Variants in RBL2 observed in about 807,000 individuals in gnomAD.
RBL2 encodes RB transcriptional corepressor like 2.
In RBL2, 56 loss-of-function variants were observed where a neutral mutation model predicts 126.0. The ratio of observed to expected loss-of-function variants is 0.44; its 90% CI spans 0.36 to 0.56. The LOEUF (loss-of-function observed/expected upper bound fraction) is 0.56. Ranked by LOEUF, RBL2 falls within the 20% of genes least tolerant of loss-of-function variation. RBL2 has a pLI of 0.00. For synonymous variants in RBL2, 454 were observed against 478.5 expected (o/e 0.95, Z 0.67); for missense variants, 1,229 against 1,398.2 (o/e 0.88, Z 1.93).
Position 53,453,757 on chromosome 16 carries a change from T to C in RBL2, c.980T>C (p.Phe327Ser). 1 of 1,607,346 alleles carries C rather than the reference T, an allele frequency of 6.2e-7. No individual in the cohort carries two copies. Among genetic ancestry groups the C allele is most frequent in the Non-Finnish European group, 8.5e-7 (1 of 1,176,320 alleles). The change falls in exon 7 of 22, where the codon TTT becomes TCT. Residue 327 changes from phenylalanine to serine, a missense_variant. Coordinates refer to ENST00000262133, the MANE Select transcript of RBL2 (RefSeq NM_005611.4). ...NLTGFLEPGN[F>S]GESFKAINKA... is the part of the protein sequence containing the mutation. ...ACTGGGTTTCTAGAACCTGGGAACTTTGGAGAGAGTTTGTGAGTACTTCTG... is the reference window on the plus strand; with the variant it reads ...ACTGGGTTTCTAGAACCTGGGAACTCTGGAGAGAGTTTGTGAGTACTTCTG...
At chr16:53,453,891 G>A in intron 7 of RBL2, 122 bp downstream of exon 7, 1 of 875,618 alleles carries the variant, frequency 1.1e-6, no homozygotes. Context: ...GAGAATACAG[G>A]GAAGCAAAAA....
chr16:53,475,080 G>A (rs1960678721), intron 17 of RBL2, among the ~76,000 whole-genome samples: 1 of 152,174 alleles, frequency 6.6e-6, no homozygotes, highest in Non-Finnish European at 1.5e-5. Flanking sequence ...AATCAGTTGT[G>A]GTAGTGTATG....
At position 53,477,181 on chromosome 16, in the gene RBL2, G is replaced by A. The variant is rs146815849; in HGVS notation, c.2704-1973G>A. 6.1e-4 allele frequency among the ~76,000 whole-genome samples: 93 copies of A among 151,984 alleles called. 1 individual carries two copies. The East Asian group carries it at 0.012, about 20-fold the overall frequency. On this transcript the variant is annotated intron_variant, in intron 17 of 21. Transcript: ENST00000262133. ...GAGATATAGGAGTGTTAACTGTTTC[G>A]TTACACATATTACATCCATAAATGT...
At chr16:53,461,570 TACC>T (rs899298956) in intron 9 of RBL2, among the ~76,000 whole-genome samples, 168 bp from the exon 10 acceptor site, 13 of 151,420 alleles carry the variant, frequency 8.6e-5, no homozygotes, top group African/African-American at 2.9e-4. Flanking sequence ...AAACTGGTAA[TACC>T]ACCACCTTTG....
chr16:53,470,275 A>G lies in RBL2; in HGVS notation c.2245+90A>G, dbSNP rs1232156437. On this transcript the variant is annotated intron_variant, in intron 15 of 21. Transcript: ENST00000262133. Reference sequence around the variant, plus strand: ...GTTTGGCTAGAGTGACATAGGGGACAGAGGAGTGATGGGGAGAGAGGGTTT... The same window carrying G: ...GTTTGGCTAGAGTGACATAGGGGACGGAGGAGTGATGGGGAGAGAGGGTTT... 9.6e-6 allele frequency: 15 copies of G among 1,560,866 alleles called. No homozygotes were observed. The South Asian group carries it at 1.2e-4, about 13-fold the overall frequency.
intron 1 of RBL2, 144 bp downstream of exon 1, chr16:53,434,940 C>G (rs1042656525): frequency 1.6e-6 from 2 of 1,285,706 alleles, no homozygotes. Context: ...TGCGCTATTC[C>G]GAGGCTCTTA....
chr16:53,454,806 G>A lies in RBL2; in HGVS notation c.1143G>A (p.Val381=), dbSNP rs1197695429. Residue 381 remains valine (V), a synonymous_variant, in exon 8 of 22, where the codon GTG becomes GTA. Transcript: ENST00000262133. ...AGSGTETAER[V]QMKNILQQHF... Reference sequence around the variant, plus strand: ...CAGGAACAGAGACTGCTGAAAGGGTGCAGATGAAAAACATCTTACAGCAGC... The same window carrying A: ...CAGGAACAGAGACTGCTGAAAGGGTACAGATGAAAAACATCTTACAGCAGC... 5 of 1,613,550 alleles carry A rather than the reference G, an allele frequency of 3.1e-6. No homozygotes were observed. The South Asian group carries it at 4.4e-5, about 14-fold the overall frequency.
In RBL2 at chr16:53,457,258, C is replaced by CCTTTTTTTTTTTTTTTT. The variant is rs1555566426; in HGVS notation, c.1180-2193_1180-2192insCTTTTTTTTTTTTTTTT. 4.5e-3 allele frequency among the ~76,000 whole-genome samples: 402 copies of CCTTTTTTTTTTTTTTTT among 89,888 alleles called. 20 individuals carry two copies. Among genetic ancestry groups the CCTTTTTTTTTTTTTTTT allele is most frequent in the South Asian group, 5.7e-3 (14 of 2,470 alleles). The allele number at this position is 89,888 out of a possible 152,430, so 59.0% of individuals were successfully genotyped here. A position where few individuals can be genotyped will look rare whatever the true frequency, so the allele number is the denominator to read the frequency against. On this transcript the variant is annotated intron_variant, in intron 8 of 21. Coordinates refer to ENST00000262133, the MANE Select transcript of RBL2 (RefSeq NM_005611.4). ...GGGTCATCAGGGTGGGTACAGATAG[C>CCTTTTTTTTTTTTTTTT]TTTTTTTTTTTTTTTTTTTGAGATG...
chr16:53,450,068 C>A (rs16952252), intron 4 of RBL2, among the ~76,000 whole-genome samples: 70,908 of 150,032 alleles, frequency 0.47, 17,236 homozygotes, highest in Middle Eastern at 0.62. Flanking sequence ...CTACTTACTT[C>A]CTTTTTTACA....
At chr16:53,480,378 A>G in intron 19 of RBL2, 189 bp from the exon 20 acceptor site, 1 of 592,568 alleles carries the variant, frequency 1.7e-6, no homozygotes, top group South Asian at 2.2e-5. Flanking sequence ...AGCCCTTGCT[A>G]TGGTTATGGC....
chr16:53,467,043 A>T lies in RBL2; in HGVS notation c.1864-15A>T. 1 of 1,598,038 alleles carries T rather than the reference A, an allele frequency of 6.3e-7. No homozygotes were observed. Among genetic ancestry groups the T allele is most frequent in the African/African-American group, 1.3e-5 (1 of 74,538 alleles). On this transcript the variant is annotated splice_polypyrimidine_tract_variant and intron_variant, in intron 13 of 21. Coordinates refer to ENST00000262133, the MANE Select transcript of RBL2 (RefSeq NM_005611.4). ...TTTTTGGATACTGGCATTCTGTGTA[A>T]CCAATTCTTCATAGGTCATGCCACC... is the stretch of plus-strand genomic sequence containing the variant.
intron 19 of RBL2, chr16:53,480,249 T>C: frequency 1.9e-6 from 1 of 531,154 alleles, no homozygotes; most frequent in Non-Finnish European, 3.3e-6. Context: ...AAAGGTCTGA[T>C]ATGTCAATTG....
At chr16:53,435,676 C>T (rs929761217) in intron 1 of RBL2, 9 of 1,288,834 alleles carry the variant, frequency 7.0e-6, no homozygotes, top group Middle Eastern at 2.1e-4. Context: ...TTTGATTTCT[C>T]AAGTCGTTTT....
At chr16:53,467,327 C>G (rs1434330925) in intron 14 of RBL2, among the ~76,000 whole-genome samples, 158 bp downstream of exon 14, 2 of 152,116 alleles carry the variant, frequency 1.3e-5, no homozygotes, top group Non-Finnish European at 2.9e-5. Flanking sequence ...CCTTTAAAGA[C>G]TAAGAACACA....
At chr16:53,443,590 A>T (rs544999577) in intron 3 of RBL2, among the ~76,000 whole-genome samples, 109 of 152,318 alleles carry the variant, frequency 7.2e-4, no homozygotes, top group African/African-American at 2.5e-3. Flanking sequence ...ACCTTTCCTG[A>T]TAGATAAAGG....
chr16:53,478,590 C>T (rs1005645627), intron 17 of RBL2, among the ~76,000 whole-genome samples: 1 of 122,628 alleles, frequency 8.2e-6, no homozygotes, highest in Admixed American at 8.9e-5. Flanking sequence ...TCCCTAGCTT[C>T]TAGTGAATTT....
chr16:53,480,808 A>T (rs541329355), intron 20 of RBL2, 39 bp downstream of exon 20: 1 of 1,565,238 alleles, frequency 6.4e-7, no homozygotes, highest in South Asian at 1.1e-5. Context: ...TTTTTCACTC[A>T]TGAGTGTTGA....
In RBL2 at chr16:53,470,621, T is replaced by C. The variant is rs149214914; in HGVS notation, c.2484T>C (p.Asn828=). The part of the protein sequence containing the change: ...KQGQSVTSSS[N]RPRKTSSLSL... ...GCCAGTCTGTAACCAGCAGTAGTAA[T>C]AGACCCAGGAAGACCAGCTCTTTAT... is the stretch of plus-strand genomic sequence containing the variant. Residue 828 remains asparagine (N), a synonymous_variant, in exon 16 of 22, where the codon AAT becomes AAC. Transcript: ENST00000262133. 89 of 1,614,228 alleles carry C rather than the reference T, an allele frequency of 5.5e-5. No homozygotes were observed. The African/African-American group carries it at 1.0e-3, about 19-fold the overall frequency.
intron 2 of RBL2, among the ~76,000 whole-genome samples, chr16:53,441,365 T>G (rs2058014284): frequency 6.6e-6 from 1 of 152,194 alleles, no homozygotes; most frequent in African/African-American, 2.4e-5. Flanking sequence ...CACATTCTCT[T>G]ACTGTACTTC....
Sources: allele counts gnomAD v4.1 joint callset (sites outside exome capture counted in the v4.1 genomes callset), GRCh38; gene constraint gnomAD v4.1.1; transcripts MANE v1.5; gene names NCBI Gene and HGNC (gene_info 2026-07-23, HGNC 2026-07-21).